The following USH2A variants were observed in gnomAD, a reference collection of about 807,000 sequenced individuals.
USH2A encodes the protein Usher syndrome 2A (autosomal recessive, mild).
In USH2A, 443 loss-of-function variants were observed where a neutral mutation model predicts 538.9. The observed-to-expected ratio is 0.82, with a 90% CI of 0.76 to 0.89. The LOEUF (loss-of-function observed/expected upper bound fraction) is 0.89, where lower values mean the gene tolerates loss of function less well. Ranked by LOEUF, USH2A falls within the 40% of genes least tolerant of loss-of-function variation. The pLI is 0.00. For missense variants in USH2A, 6,633 were observed against 6,324.8 expected, an observed-to-expected ratio of 1.05 and a Z score of -1.65; for synonymous variants, 2,413 against 2,273.5, an observed-to-expected ratio of 1.06 and a Z score of -1.75.
At chr1:215,805,230 T>C (rs6690977) in intron 49 of USH2A, among the ~76,000 whole-genome samples, 7,148 of 151,942 alleles carry the variant, frequency 0.047, 270 homozygotes, top group South Asian at 0.14. Context: ...CACATGTATA[T>C]ATATGTAACT....
intron 49 of USH2A, among the ~76,000 whole-genome samples, chr1:215,802,261 G>T (rs1297777622): frequency 6.6e-6 from 1 of 151,962 alleles, no homozygotes; most frequent in Non-Finnish European, 1.5e-5. Flanking sequence ...GAAAAAAGAT[G>T]AATTGGATTC....
At chr1:216,149,573 G>A (rs187255063) in intron 21 of USH2A, among the ~76,000 whole-genome samples, 2 of 152,190 alleles carry the variant, frequency 1.3e-5, no homozygotes, top group Admixed American at 1.3e-4. Flanking sequence ...ATGCTACAGG[G>A]TACAGTCCAT....
intron 65 of USH2A, among the ~76,000 whole-genome samples, chr1:215,649,796 T>C (rs1307633574): frequency 2.0e-5 from 3 of 152,214 alleles, no homozygotes; most frequent in African/African-American, 4.8e-5. Context: ...AATGTTTGTG[T>C]GAACAAAGTA....
chr1:216,214,425 T>C (rs2102491924), intron 15 of USH2A, among the ~76,000 whole-genome samples: 1 of 152,060 alleles, frequency 6.6e-6, no homozygotes, highest in South Asian at 2.1e-4. Flanking sequence ...TGAAGCTAGA[T>C]ACAAAAGCCT....
rs1328112961 is a variant in USH2A, at chr1:215,882,560, T to C, written c.8224-3462A>G. Reference sequence around the variant, plus strand: ...ATATAAATACAAGAAACATTAATTGTGGCTCTGTTTTATTTCACTCAGGTG... The same window carrying C: ...ATATAAATACAAGAAACATTAATTGCGGCTCTGTTTTATTTCACTCAGGTG... On this transcript the variant is annotated intron_variant, in intron 41 of 71. Coordinates refer to ENST00000307340, the MANE Select transcript of USH2A (RefSeq NM_206933.4). 7.2e-5 allele frequency among the ~76,000 whole-genome samples: 11 copies of C among 152,324 alleles called. No individual in the cohort carries two copies. In the East Asian group the frequency reaches 2.1e-3, roughly 29 times the overall value.
At chr1:216,098,508 T>G (rs1174087214) in intron 21 of USH2A, among the ~76,000 whole-genome samples, 2 of 152,034 alleles carry the variant, frequency 1.3e-5, no homozygotes, top group Non-Finnish European at 2.9e-5. Flanking sequence ...CATAGGTGGG[T>G]GGTGGTTAAC....
In USH2A at chr1:215,934,759, A is replaced by G. The variant is rs750076512; in HGVS notation, c.7157T>C (p.Val2386Ala). The G allele has an allele frequency of 3.1e-6, 5 of 1,612,514 alleles. No individual in the cohort carries two copies. In the African/African-American group the frequency reaches 5.3e-5, roughly 17 times the overall value. ...GTTTGTCTCTTCTCCGCTGTACATG[A>G]CTTTTGTGACATTCAGAAGGGTGTA... The part of the protein sequence containing the change: ...NNYTLLNVTK[V>A]MYSGEETNLW... The change falls in exon 38 of 72, where the codon GTC becomes GCC. Residue 2386 changes from valine (V) to alanine (A), a missense_variant. Val to Ala is a moderately conservative substitution (Grantham distance 64). Coordinates refer to ENST00000307340, the MANE Select transcript of USH2A (RefSeq NM_206933.4).
At chr1:216,124,737 T>G (rs1359140726) in intron 21 of USH2A, among the ~76,000 whole-genome samples, 1 of 152,172 alleles carries the variant, frequency 6.6e-6, no homozygotes, top group African/African-American at 2.4e-5. Context: ...ACACCACATC[T>G]CATCCAGTAA....
intron 11 of USH2A, among the ~76,000 whole-genome samples, chr1:216,278,359 C>G (rs1244059323): frequency 6.6e-6 from 1 of 152,160 alleles, no homozygotes; most frequent in Non-Finnish European, 1.5e-5. Flanking sequence ...TCTTGGATAA[C>G]TCCCTCAATA....
rs766989279 is a variant in USH2A, at chr1:216,200,084, A to G, written c.3354T>C (p.Tyr1118=). The G allele has an allele frequency of 6.2e-7, 1 of 1,613,638 alleles. No homozygotes were observed. Among genetic ancestry groups the G allele is most frequent in the Admixed American group, 1.7e-5 (1 of 59,984 alleles). ...TCTCAATGTAATAGGAATATTTGGT[A>G]TATGGTAACAGGTCTGTGTCTAAGA... The part of the protein sequence containing the change: ...QYFLDTDLLP[Y]TKYSYYIETT... The change falls in exon 17 of 72, where the codon TAT becomes TAC. Residue 1118 remains tyrosine, a synonymous_variant. Coordinates refer to ENST00000307340, the MANE Select transcript of USH2A (RefSeq NM_206933.4).
At chr1:215,708,301 T>A (rs766661198) in intron 61 of USH2A, among the ~76,000 whole-genome samples, 1 of 152,218 alleles carries the variant, frequency 6.6e-6, no homozygotes, top group Non-Finnish European at 1.5e-5. Context: ...CATTTTTGTC[T>A]GGTTTATTCA....
intron 52 of USH2A, among the ~76,000 whole-genome samples, chr1:215,785,572 A>T (rs1661774542): frequency 6.6e-6 from 1 of 152,200 alleles, no homozygotes; most frequent in African/African-American, 2.4e-5. Flanking sequence ...TGACAAGTTA[A>T]TGGGTGCAGC....
intron 64 of USH2A, among the ~76,000 whole-genome samples, chr1:215,659,525 T>C (rs932389573): frequency 2.0e-5 from 3 of 152,212 alleles, no homozygotes; most frequent in Admixed American, 6.5e-5. Context: ...TGCTGGATAC[T>C]GAACACCTTC....
At chr1:216,090,736 C>G (rs895211139) in intron 22 of USH2A, among the ~76,000 whole-genome samples, 12 of 152,202 alleles carry the variant, frequency 7.9e-5, no homozygotes, top group Admixed American at 6.5e-4. Context: ...GTAGCATGCC[C>G]ATTAGTTTTT....
At chr1:216,076,496 A>C (rs2031756346) in intron 27 of USH2A, among the ~76,000 whole-genome samples, 1 of 152,030 alleles carries the variant, frequency 6.6e-6, no homozygotes, top group African/African-American at 2.4e-5. Flanking sequence ...AAGGCTGTAC[A>C]TGCAGGGTTT....
At chr1:215,712,856 G>C (rs1169600323) in intron 61 of USH2A, among the ~76,000 whole-genome samples, 1 of 151,804 alleles carries the variant, frequency 6.6e-6, no homozygotes, top group Non-Finnish European at 1.5e-5. Context: ...ACCCAGGCTG[G>C]AGTGCAGTGG....
chr1:216,070,044 A>C, intron 30 of USH2A, 57 bp downstream of exon 30: 2 of 1,584,936 alleles, frequency 1.3e-6, no homozygotes, highest in Admixed American at 3.4e-5. Context: ...ATTTTTATTT[A>C]AAATGCAAAC....
intron 20 of USH2A, among the ~76,000 whole-genome samples, chr1:216,180,150 T>A (rs893939326): frequency 2.6e-5 from 4 of 152,120 alleles, no homozygotes; most frequent in African/African-American, 7.2e-5. Flanking sequence ...TTATGTATGA[T>A]TAAGGAATAC....
chr1:216,062,011 C>A (rs891032866), intron 30 of USH2A, among the ~76,000 whole-genome samples: 9 of 152,130 alleles, frequency 5.9e-5, no homozygotes, highest in Non-Finnish European at 1.2e-4. Flanking sequence ...GTTTAATTTT[C>A]CCATGCAAAC....
Sources: gnomAD v4.1 joint callset for allele counts (sites outside exome capture counted in the v4.1 genomes callset) on GRCh38, gnomAD v4.1.1 for gene constraint, MANE v1.5 for transcripts, NCBI Gene and HGNC (gene_info 2026-07-23, HGNC 2026-07-21) for gene names.